Variants in DGKE observed in about 807,000 individuals in gnomAD.
DGKE encodes the protein diacylglycerol kinase epsilon, also known as DAG kinase epsilon.
DGKE carries 53 observed loss-of-function variants against 70.0 expected under a neutral mutation model. That is an observed-to-expected ratio of 0.76 (90% CI 0.61 to 0.95). DGKE has a LOEUF of 0.95. DGKE is among the 40% of genes least tolerant of loss of function. The pLI, the probability that DGKE is intolerant of heterozygous loss-of-function variation, is 0.00. For synonymous variants in DGKE, 291 were observed against 257.0 expected (o/e 1.13, Z -1.27); for missense variants, 655 against 706.9 (o/e 0.93, Z 0.83).
chr17:56,850,148 C>G (rs1037377321), intron 7 of DGKE, among the ~76,000 whole-genome samples: 25 of 149,932 alleles, frequency 1.7e-4, no homozygotes, highest in African/African-American at 5.9e-4. Context: ...GTTGTGGAGA[C>G]AAGGTCTCAG....
chr17:56,845,811 T>C lies in DGKE; in HGVS notation c.744+2T>C. On this transcript the variant is annotated splice_donor_variant, in intron 4 of 11. Transcript: ENST00000284061. LOFTEE classifies it high-confidence loss of function. ...AGGATCTTGTTGAATCCAGTCCAGGTAACTAAAGAAAAAAACTTTTTATAT... is the reference window on the plus strand; with the variant it reads ...AGGATCTTGTTGAATCCAGTCCAGGCAACTAAAGAAAAAAACTTTTTATAT... 6.4e-7 allele frequency: 1 copy of C among 1,569,010 alleles called. No individual in the cohort carries two copies. Among genetic ancestry groups the C allele is most frequent in the Non-Finnish European group, 8.6e-7 (1 of 1,164,032 alleles).
At chr17:56,851,441 C>T (rs999623472) in intron 7 of DGKE, among the ~76,000 whole-genome samples, 6 of 152,198 alleles carry the variant, frequency 3.9e-5, no homozygotes, top group Non-Finnish European at 7.4e-5. Context: ...GAGAGGATTT[C>T]TCTCTGGGGA....
rs1908493756 is a variant in DGKE at position 56,865,506 on chromosome 17, T to C, written c.*2715T>C. 1 of 152,200 alleles carries C rather than the reference T, an allele frequency of 6.6e-6. No individual in the cohort carries two copies. Among genetic ancestry groups the C allele is most frequent in the African/African-American group, 2.4e-5 (1 of 41,454 alleles). The allele number at this position is 152,200 out of a possible 1,614,324, so 9.4% of individuals were successfully genotyped here. ...ATGTTTAATAGAAATCAAACTGACT[T>C]GTGTTTTAAAATACAAGTTGTCTGC... On this transcript the variant is annotated 3_prime_UTR_variant, in exon 12 of 12. Transcript: ENST00000284061.
chr17:56,841,717 A>G (rs903847086), intron 2 of DGKE, among the ~76,000 whole-genome samples: 6 of 152,234 alleles, frequency 3.9e-5, no homozygotes, highest in Non-Finnish European at 8.8e-5. Flanking sequence ...CTGAGATTGC[A>G]AAGAAATAAT....
In DGKE at chr17:56,844,131, A is replaced by C; in HGVS notation, c.577A>C (p.Thr193Pro). ...KNLIIPPSYL[T>P]SINQMRKDKK... ...CCTAATCATTCCACCAAGTTATTTA[A>C]CATCCATTAATCAGATGCGTAAAGA... is the stretch of plus-strand genomic sequence containing the variant. Residue 193 changes from threonine (T) to proline (P), a missense_variant, in exon 3 of 12, where the codon ACA becomes CCA. Coordinates refer to ENST00000284061, the MANE Select transcript of DGKE (RefSeq NM_003647.3). 1 of 1,581,832 alleles carries C rather than the reference A, an allele frequency of 6.3e-7. No homozygotes were observed. Among genetic ancestry groups the C allele is most frequent in the Non-Finnish European group, 8.6e-7 (1 of 1,168,308 alleles).
intron 4 of DGKE, chr17:56,847,399 A>G (rs1907353300): frequency 6.7e-6 from 1 of 148,410 alleles, no homozygotes; most frequent in African/African-American, 2.5e-5. Context: ...CAGGGGCATG[A>G]TCTTGGCTCA....
At chr17:56,841,616 T>G (rs1213011345) in intron 2 of DGKE, among the ~76,000 whole-genome samples, 3 of 152,210 alleles carry the variant, frequency 2.0e-5, no homozygotes, top group South Asian at 2.1e-4. Flanking sequence ...TAAGTGTTAG[T>G]TATGATGGGC....
chr17:56,847,937 A>G lies in DGKE; in HGVS notation c.760A>G (p.Lys254Glu), dbSNP rs776544681. 4 of 1,564,700 alleles carry G rather than the reference A, an allele frequency of 2.6e-6. No individual in the cohort carries two copies. Among genetic ancestry groups the G allele is most frequent in the Non-Finnish European group, 1.7e-6 (2 of 1,160,168 alleles). Residue 254 changes from lysine (K) to glutamate (E), a missense_variant, in exon 5 of 12, where the codon AAA becomes GAA. Lys to Glu is a moderately conservative substitution (Grantham distance 56). Coordinates refer to ENST00000284061, the MANE Select transcript of DGKE (RefSeq NM_003647.3). Reference protein sequence around the residue: ...LNPVQVFDVTKTPPIKALQLC... With the variant: ...LNPVQVFDVTETPPIKALQLC... ...TTGTTTCTAGGTTTTTGATGTAACT[A>G]AAACTCCTCCTATCAAAGCCCTACA...
At chr17:56,862,528 G>T in intron 11 of DGKE, 84 bp from the exon 12 acceptor site, 1 of 1,220,466 alleles carries the variant, frequency 8.2e-7, no homozygotes, top group South Asian at 1.7e-5. Context: ...TAAGGGTTAA[G>T]GGATTGTGGA....
At chr17:56,851,048 TACAG>T (rs1253419272) in intron 7 of DGKE, among the ~76,000 whole-genome samples, 1 of 152,136 alleles carries the variant, frequency 6.6e-6, no homozygotes, top group East Asian at 1.9e-4. Context: ...TAGCAAATAA[TACAG>T]AGAGAGTAGA....
In DGKE at chr17:56,868,819, TAAA is replaced by T. The variant is rs1260023425; in HGVS notation, c.*6032_*6034del. On this transcript the variant is annotated 3_prime_UTR_variant, in exon 12 of 12. Transcript: ENST00000284061. ...ATCACATACTTTTAGACAGAAAGAA[TAAA>T]AAATTCATATTGCATGGCTTTTGTA... is the stretch of plus-strand genomic sequence containing the variant. 5 of 152,284 alleles carry T rather than the reference TAAA, an allele frequency of 3.3e-5. No homozygotes were observed. The allele number at this position is 152,284 out of a possible 1,614,324, so 9.4% of individuals were successfully genotyped here.
At position 56,865,609 on chromosome 17, in the gene DGKE, A is replaced by G. The variant is rs1908497184; in HGVS notation, c.*2818A>G. ...GTGAACCCCTAATGTAGCTAAGTTTATACAAATTTTATAATCAAAATTATT... is the reference window on the plus strand; with the variant it reads ...GTGAACCCCTAATGTAGCTAAGTTTGTACAAATTTTATAATCAAAATTATT... On this transcript the variant is annotated 3_prime_UTR_variant, in exon 12 of 12. Coordinates refer to ENST00000284061, the MANE Select transcript of DGKE (RefSeq NM_003647.3). 6.6e-6 allele frequency: 1 copy of G among 152,188 alleles called. No individual in the cohort carries two copies. Among genetic ancestry groups the G allele is most frequent in the Non-Finnish European group, 1.5e-5 (1 of 68,014 alleles). 9.4% of individuals were successfully genotyped at this position (152,188 alleles called of 1,614,324 possible). A position where few individuals can be genotyped will look rare whatever the true frequency, so the allele number is the denominator to read the frequency against.
rs1908463149 is a variant in DGKE, at chr17:56,864,734, ATATAATTCG to A, written c.*1946_*1954del. On this transcript the variant is annotated 3_prime_UTR_variant, in exon 12 of 12. Transcript: ENST00000284061. ...TGCTGTAGGTTATAGTTTACCTGTT[ATATAATTCG>A]TAGTGCTAATTGTAGTAGAAGCAAA... is the stretch of plus-strand genomic sequence containing the variant. 1 of 152,106 alleles carries A rather than the reference ATATAATTCG, an allele frequency of 6.6e-6. No individual in the cohort carries two copies. Among genetic ancestry groups the A allele is most frequent in the Non-Finnish European group, 1.5e-5 (1 of 68,000 alleles). 9.4% of individuals were successfully genotyped at this position (152,106 alleles called of 1,614,324 possible).
At chr17:56,857,909 C>A (rs1908042945) in intron 8 of DGKE, among the ~76,000 whole-genome samples, 1 of 151,798 alleles carries the variant, frequency 6.6e-6, no homozygotes, top group South Asian at 2.1e-4. Context: ...CCCATCTCTA[C>A]TAAAAATACA....
intron 7 of DGKE, among the ~76,000 whole-genome samples, chr17:56,851,976 G>A (rs1030977774): frequency 4.6e-5 from 7 of 152,190 alleles, no homozygotes; most frequent in Admixed American, 4.6e-4. Flanking sequence ...GCTGAGGCAG[G>A]AAGATTGCTT....
At chr17:56,838,918 T>C (rs911931156) in intron 2 of DGKE, 1 of 152,204 alleles carries the variant, frequency 6.6e-6, no homozygotes, top group African/African-American at 2.4e-5. Context: ...TATTTGCTGA[T>C]GTATTCAGGA....
At chr17:56,836,316 T>G (rs781547537) in intron 2 of DGKE, 2 of 152,232 alleles carry the variant, frequency 1.3e-5, no homozygotes, top group African/African-American at 2.4e-5. Context: ...CAAAGAGGCT[T>G]AAGAATAAAT....
rs953674058 is a variant in DGKE at position 56,845,617 on chromosome 17, T to C, written c.625-73T>C. On this transcript the variant is annotated intron_variant, in intron 3 of 11. Coordinates refer to ENST00000284061, the MANE Select transcript of DGKE (RefSeq NM_003647.3). Reference sequence around the variant, plus strand: ...ATTTCAGCAAATTATAGCACCATTGTTCTCAAGGCATGGAAAATGTGCTTT... The same window carrying C: ...ATTTCAGCAAATTATAGCACCATTGCTCTCAAGGCATGGAAAATGTGCTTT... 4.8e-6 allele frequency: 7 copies of C among 1,470,818 alleles called. No individual in the cohort carries two copies. The South Asian group carries it at 8.5e-5, about 18-fold the overall frequency. The allele number at this position is 1,470,818 out of a possible 1,614,324, so 91.1% of individuals were successfully genotyped here.
intron 7 of DGKE, 121 bp downstream of exon 7, chr17:56,849,353 G>C (rs1412236459): frequency 3.6e-6 from 3 of 835,490 alleles, no homozygotes; most frequent in Non-Finnish European, 5.6e-6. Context: ...GAGCAGAACA[G>C]AAGCTTATAT....
Sources: allele counts gnomAD v4.1 joint callset (sites outside exome capture counted in the v4.1 genomes callset), GRCh38; gene constraint gnomAD v4.1.1; transcripts MANE v1.5; gene names NCBI Gene and HGNC (gene_info 2026-07-23, HGNC 2026-07-21).